Variants in CDKAL1 observed in about 807,000 individuals in gnomAD.
CDKAL1 encodes the protein CDKAL1 threonylcarbamoyladenosine tRNA methylthiotransferase.
A neutral mutation model predicts 68.2 loss-of-function variants in CDKAL1; 32 were observed. The observed-to-expected ratio is 0.47, with a 90% CI of 0.35 to 0.63. CDKAL1 has a LOEUF of 0.63. Ranked by LOEUF, CDKAL1 falls within the 30% of genes least tolerant of loss-of-function variation. CDKAL1 has a pLI of 0.00. For synonymous variants in CDKAL1, 234 were observed against 244.3 expected (o/e 0.96, Z 0.39); for missense variants, 606 against 696.7 (o/e 0.87, Z 1.47).
At chr6:20,604,886 T>C (rs1766267988) in intron 4 of CDKAL1, among the ~76,000 whole-genome samples, 2 of 152,230 alleles carry the variant, frequency 1.3e-5, no homozygotes, top group Admixed American at 6.5e-5. Flanking sequence ...TGCAGATCTT[T>C]TATTTCCTTT....
At chr6:20,928,981 T>C (rs772068861) in intron 9 of CDKAL1, among the ~76,000 whole-genome samples, 1 of 152,248 alleles carries the variant, frequency 6.6e-6, no homozygotes, top group Non-Finnish European at 1.5e-5. Flanking sequence ...TTGAGTTCCA[T>C]CTGAGCTTGA....
At chr6:21,197,074 T>C (rs1778500837) in intron 13 of CDKAL1, among the ~76,000 whole-genome samples, 1 of 151,788 alleles carries the variant, frequency 6.6e-6, no homozygotes, top group African/African-American at 2.4e-5. Flanking sequence ...AGAAGAATCG[T>C]TTGAACCCGG....
intron 9 of CDKAL1, among the ~76,000 whole-genome samples, chr6:20,943,903 A>G (rs955451181): frequency 1.3e-5 from 2 of 152,242 alleles, no homozygotes; most frequent in Non-Finnish European, 2.9e-5. Context: ...CCTGGGCAAA[A>G]TAGTGAGGTT....
In CDKAL1 at chr6:20,678,647, C is replaced by T. The variant is rs544569551; in HGVS notation, c.371+29270C>T. On this transcript the variant is annotated intron_variant, in intron 5 of 15. Coordinates refer to ENST00000274695, the MANE Select transcript of CDKAL1 (RefSeq NM_017774.3). Reference sequence around the variant, plus strand: ...TTGTTTCTTTATACTACAGTTGTTTCGCTTAAACTTGTGGTTTCCAAGAAC... The same window carrying T: ...TTGTTTCTTTATACTACAGTTGTTTTGCTTAAACTTGTGGTTTCCAAGAAC... Among the ~76,000 whole-genome samples the T allele has an allele frequency of 6.6e-5, 10 of 152,204 alleles. No individual in the cohort carries two copies. In the South Asian group the frequency reaches 1.0e-3, roughly 16 times the overall value.
intron 10 of CDKAL1, among the ~76,000 whole-genome samples, chr6:20,996,173 T>G (rs1482283556): frequency 1.3e-5 from 2 of 152,234 alleles, no homozygotes; most frequent in Non-Finnish European, 2.9e-5. Flanking sequence ...AAGGGAATGT[T>G]GTGGCTGGTT....
intron 13 of CDKAL1, among the ~76,000 whole-genome samples, chr6:21,166,840 T>A (rs1462237472): frequency 6.6e-6 from 1 of 152,236 alleles, no homozygotes; most frequent in Admixed American, 6.5e-5. Context: ...GTCTGTCTCA[T>A]GTGATGCTCC....
intron 9 of CDKAL1, among the ~76,000 whole-genome samples, chr6:20,943,695 A>G (rs1764100465): frequency 6.6e-6 from 1 of 151,618 alleles, no homozygotes; most frequent in Non-Finnish European, 1.5e-5. Flanking sequence ...AAACGCATAG[A>G]CCACATGTAC....
chr6:20,600,471 C>T (rs1766033322), intron 4 of CDKAL1, among the ~76,000 whole-genome samples: 1 of 151,914 alleles, frequency 6.6e-6, no homozygotes, highest in African/African-American at 2.4e-5. Flanking sequence ...CTTGAAGACG[C>T]CTCTGTATTT....
chr6:21,113,551 G>A (rs1262578931), intron 13 of CDKAL1, among the ~76,000 whole-genome samples: 2 of 152,050 alleles, frequency 1.3e-5, no homozygotes, highest in Admixed American at 6.5e-5. Context: ...CATCCAGGCT[G>A]CAGAGCAGTG....
intron 13 of CDKAL1, among the ~76,000 whole-genome samples, chr6:21,124,090 A>G (rs149880126): frequency 6.6e-6 from 1 of 152,378 alleles, no homozygotes; most frequent in African/African-American, 2.4e-5. Flanking sequence ...TTTTAAATCC[A>G]TGGATGAAAA....
intron 8 of CDKAL1, among the ~76,000 whole-genome samples, chr6:20,806,651 T>C (rs895741329): frequency 6.6e-6 from 1 of 152,160 alleles, no homozygotes; most frequent in African/African-American, 2.4e-5. Flanking sequence ...TTAGACTTTT[T>C]AGTAATAGCC....
intron 8 of CDKAL1, among the ~76,000 whole-genome samples, chr6:20,818,472 C>A (rs1777140109): frequency 6.6e-6 from 1 of 151,982 alleles, no homozygotes; most frequent in African/African-American, 2.4e-5. Context: ...GCTAACATAA[C>A]TTTTCTGTCT....
intron 11 of CDKAL1, among the ~76,000 whole-genome samples, chr6:21,011,899 AG>A (rs1315453901): frequency 3.3e-5 from 5 of 152,322 alleles, no homozygotes; most frequent in Non-Finnish European, 5.9e-5. Context: ...TGTATATAAA[AG>A]TTGTAGTTTG....
At chr6:20,889,649 GTC>G (rs1350480553) in intron 9 of CDKAL1, among the ~76,000 whole-genome samples, 2 of 152,118 alleles carry the variant, frequency 1.3e-5, no homozygotes, top group Admixed American at 6.6e-5. Context: ...TGTCAGGTTT[GTC>G]AAAGAACAGA....
rs1292656062 is a variant in CDKAL1 at position 21,003,369 on chromosome 6, T to TACACACACACACACACACAC, written c.1055+2998_1055+2999insCACACACACACACACACACA. Among the ~76,000 whole-genome samples, 196 of 46,580 alleles carry TACACACACACACACACACAC rather than the reference T, an allele frequency of 4.2e-3. 2 individuals carry two copies. The highest frequency in any genetic ancestry group is 0.015 in the African/African-American group (168 of 11,326). The allele number at this position is 46,580 out of a possible 152,430, so 30.6% of individuals were successfully genotyped here. A position where few individuals can be genotyped will look rare whatever the true frequency, so the allele number is the denominator to read the frequency against. On this transcript the variant is annotated intron_variant, in intron 11 of 15. Transcript: ENST00000274695. The stretch of plus-strand genomic sequence containing the variant: ...ATATATATATATATATATATATATA[T>TACACACACACACACACACAC]ATACACACACACACACACACATATA...
chr6:20,658,471 G>A (rs561952449), intron 5 of CDKAL1, among the ~76,000 whole-genome samples: 2 of 152,336 alleles, frequency 1.3e-5, no homozygotes, highest in African/African-American at 2.4e-5. Context: ...TATCTGCTTT[G>A]TATAACATCT....
chr6:20,854,278 C>T (rs1279714056), intron 9 of CDKAL1, among the ~76,000 whole-genome samples: 1 of 152,186 alleles, frequency 6.6e-6, no homozygotes, highest in Non-Finnish European at 1.5e-5. Context: ...ATTGATTATG[C>T]TGAGTATTCA....
At chr6:20,795,815 T>C (rs935652632) in intron 8 of CDKAL1, among the ~76,000 whole-genome samples, 4 of 152,228 alleles carry the variant, frequency 2.6e-5, no homozygotes, top group African/African-American at 9.6e-5. Context: ...AGTGTCAAAC[T>C]GGCCAGTGCT....
chr6:20,655,129 G>A (rs904104795), intron 5 of CDKAL1, among the ~76,000 whole-genome samples: 2 of 152,068 alleles, frequency 1.3e-5, no homozygotes, highest in Non-Finnish European at 2.9e-5. Context: ...TTATTCCAGT[G>A]CGTTAAGAAA....
Sources: gnomAD v4.1 joint callset for allele counts (sites outside exome capture counted in the v4.1 genomes callset) on GRCh38, gnomAD v4.1.1 for gene constraint, MANE v1.5 for transcripts, NCBI Gene and HGNC (gene_info 2026-07-23, HGNC 2026-07-21) for gene names.